IFFO1: variants seen among roughly 807,000 people sequenced by gnomAD.
IFFO1 encodes the protein intermediate filament family orphan 1.
IFFO1 carries 42 observed loss-of-function variants against 59.6 expected under a neutral mutation model. The observed-to-expected ratio is 0.70, with a 90% CI of 0.55 to 0.91. IFFO1 has a LOEUF of 0.91. Among genes scored for constraint, IFFO1 ranks in the 40% least tolerant of loss-of-function variants. The pLI is 0.00. For missense variants in IFFO1, 711 were observed against 793.2 expected, an observed-to-expected ratio of 0.90 and a Z score of 1.24; for synonymous variants, 336 against 342.8, an observed-to-expected ratio of 0.98 and a Z score of 0.22.
chr12:6,555,898 C>A lies in IFFO1; in HGVS notation c.132G>T (p.Ser44=). ...GGGDLPPAPL[S]PAGPAAYSPP... ...GCGAGTAGGCAGCAGGGCCGGCCGGCGAGAGAGGCGCCGGGGGCAAGTCTC... is the reference window on the plus strand; with the variant it reads ...GCGAGTAGGCAGCAGGGCCGGCCGGAGAGAGAGGCGCCGGGGGCAAGTCTC... Residue 44 remains serine (S), a synonymous_variant, in exon 1 of 10, where the codon TCG becomes TCT. Transcript: ENST00000619571. The surrounding 1 kb of genome is among the most constrained non-coding windows in gnomAD (Gnocchi z 8.6). 1 of 1,563,432 alleles carries A rather than the reference C, an allele frequency of 6.4e-7. No individual in the cohort carries two copies.
At chr12:6,546,755 C>T (rs1488725744) in intron 8 of IFFO1, among the ~76,000 whole-genome samples, 1 of 152,192 alleles carries the variant, frequency 6.6e-6, no homozygotes, top group East Asian at 1.9e-4. Flanking sequence ...TCCCAAAGTG[C>T]TGGGATTACA....
chr12:6,547,776 G>A (rs1483579796), intron 8 of IFFO1, among the ~76,000 whole-genome samples: 2 of 150,596 alleles, frequency 1.3e-5, no homozygotes, highest in Non-Finnish European at 3.0e-5. Flanking sequence ...AGGAAGGAAG[G>A]AAAGAAAGGA....
chr12:6,551,149 C>G (rs1947215965), intron 1 of IFFO1, 148 bp from the exon 2 acceptor site: 1 of 791,500 alleles, frequency 1.3e-6, no homozygotes, highest in African/African-American at 1.7e-5. Flanking sequence ...AATGCCTGGC[C>G]AGCCAGCTGG....
In IFFO1 at chr12:6,540,229, C is replaced by T. The variant is rs1946635283; in HGVS notation, c.*254G>A. On this transcript the variant is annotated 3_prime_UTR_variant, in exon 10 of 10. Coordinates refer to ENST00000619571, the MANE Select transcript of IFFO1 (RefSeq NM_001193457.2). ...TTAAAGATGGGGAAGTAGCAGACACCCACGCGTGAAGGCAGGAGAGCCCCA... is the reference window on the plus strand; with the variant it reads ...TTAAAGATGGGGAAGTAGCAGACACTCACGCGTGAAGGCAGGAGAGCCCCA... 3.6e-6 allele frequency: 2 copies of T among 557,118 alleles called. No homozygotes were observed. The highest frequency in any genetic ancestry group is 3.1e-5 in the East Asian group (1 of 32,178). 34.5% of individuals were successfully genotyped at this position (557,118 alleles called of 1,614,324 possible). A position where few individuals can be genotyped will look rare whatever the true frequency, so the allele number is the denominator to read the frequency against.
At chr12:6,551,633 G>C (rs776445141) in intron 1 of IFFO1, 1 of 472,812 alleles carries the variant, frequency 2.1e-6, no homozygotes, top group Non-Finnish European at 4.0e-6. Context: ...GAGGTGACCA[G>C]ACTGGCTCAG....
At chr12:6,551,253 G>T in intron 1 of IFFO1, 1 of 604,522 alleles carries the variant, frequency 1.7e-6, no homozygotes, top group Non-Finnish European at 2.8e-6. Flanking sequence ...TGCACCAGGA[G>T]CTCTGTTTGG....
At chr12:6,552,770 A>G (rs1176206830) in intron 1 of IFFO1, among the ~76,000 whole-genome samples, 2 of 152,198 alleles carry the variant, frequency 1.3e-5, no homozygotes, top group Non-Finnish European at 2.9e-5. Context: ...AAAAAAATCT[A>G]CAAATGAATC....
At chr12:6,539,465 A>C (rs1335366143), downstream of IFFO1, 2 of 152,156 alleles carry the variant, frequency 1.3e-5, no homozygotes, top group Non-Finnish European at 2.9e-5. Context: ...AAAAAAAAAA[A>C]GTACCTACCT....
Position 6,549,671 on chromosome 12 carries a change from C to T in IFFO1, c.1071+85G>A. ...CAGGTAAGGCTCCCCAAGCAGGAGG[C>T]AGGGCCTGCGTTCCAGGCCAGCCGC... On this transcript the variant is annotated intron_variant, in intron 4 of 9. Transcript: ENST00000619571. The surrounding 1 kb of genome is among the most constrained non-coding windows in gnomAD (Gnocchi z 5.0). The T allele has an allele frequency of 6.5e-7, 1 of 1,534,938 alleles. No individual in the cohort carries two copies. The highest frequency in any genetic ancestry group is 1.2e-5 in the South Asian group (1 of 82,816).
chr12:6,554,426 C>T (rs1947353975), intron 1 of IFFO1, among the ~76,000 whole-genome samples: 3 of 152,244 alleles, frequency 2.0e-5, no homozygotes, highest in Non-Finnish European at 2.9e-5. Context: ...ACTTGGTATA[C>T]AGCCAGCACT....
chr12:6,548,475 A>G lies in IFFO1; in HGVS notation c.1333T>C (p.Trp445Arg). The G allele has an allele frequency of 6.2e-7, 1 of 1,614,002 alleles. No homozygotes were observed. The highest frequency in any genetic ancestry group is 8.5e-7 in the Non-Finnish European group (1 of 1,179,928). Reference sequence around the variant, plus strand: ...ATGGCATAGCCTGAGAAATCCTCCCAAAGCAGCAGGGTCTCCTCAGTCTCC... The same window carrying G: ...ATGGCATAGCCTGAGAAATCCTCCCGAAGCAGCAGGGTCTCCTCAGTCTCC... ...WEETEETLLL[W>R]EDFSGYAMAA... Residue 445 changes from tryptophan (W) to arginine (R), a missense_variant, in exon 7 of 10, where the codon TGG becomes CGG. Around this residue, in one of 3 missense-constraint regions of IFFO1, gnomAD observed 579 missense variants for 650.3 expected, o/e 0.89. Coordinates refer to ENST00000619571, the MANE Select transcript of IFFO1 (RefSeq NM_001193457.2). The surrounding 1 kb of genome is among the most constrained non-coding windows in gnomAD (Gnocchi z 6.1).
In IFFO1 at chr12:6,541,616, G is replaced by A; in HGVS notation, c.1506C>T (p.Asp502=). The A allele has an allele frequency of 6.2e-7, 1 of 1,614,144 alleles. No individual in the cohort carries two copies. The highest frequency in any genetic ancestry group is 8.5e-7 in the Non-Finnish European group (1 of 1,180,026). The change falls in exon 9 of 10, where the codon GAC becomes GAT. Residue 502 remains aspartate (D), a synonymous_variant. Transcript: ENST00000619571. This position sits in a 1 kb window ranked among gnomAD's most constrained non-coding sequence, Gnocchi z 4.8. Reference sequence around the variant, plus strand: ...TGTACTCGTGCAGGTGCCGGTTCATGTCGTTCTTGGCCGTGGCCAACTCCA... The same window carrying A: ...TGTACTCGTGCAGGTGCCGGTTCATATCGTTCTTGGCCGTGGCCAACTCCA... ...IELELATAKN[D]MNRHLHEYME...
intron 9 of IFFO1, among the ~76,000 whole-genome samples, 181 bp from the exon 10 acceptor site, chr12:6,540,769 G>C (rs1014956636): frequency 6.6e-5 from 10 of 152,184 alleles, no homozygotes; most frequent in Non-Finnish European, 1.3e-4. Flanking sequence ...CCCTGACAGG[G>C]AAATGGGCCC....
rs1947103329 is a variant in IFFO1, at chr12:6,548,904, CAG to C, written c.1081-57_1081-56del. 1.3e-6 allele frequency: 2 copies of C among 1,485,326 alleles called. No homozygotes were observed. The highest frequency in any genetic ancestry group is 1.4e-5 in the African/African-American group (1 of 71,570). 92.0% of individuals were successfully genotyped at this position (1,485,326 alleles called of 1,614,324 possible). On this transcript the variant is annotated intron_variant, in intron 5 of 9. Coordinates refer to ENST00000619571, the MANE Select transcript of IFFO1 (RefSeq NM_001193457.2). The surrounding 1 kb of genome is among the most constrained non-coding windows in gnomAD (Gnocchi z 6.1). ...GAAAGGGCGGGAGCGGGAGGCCGGG[CAG>C]AGAGGGTGGGAATGGGGGAGAAGCA...
chr12:6,547,018 C>A (rs1387817797), intron 8 of IFFO1, among the ~76,000 whole-genome samples: 4 of 152,188 alleles, frequency 2.6e-5, no homozygotes, highest in Non-Finnish European at 5.9e-5. Flanking sequence ...ATGCTACACT[C>A]GCTATGAGCC....
Position 6,555,178 on chromosome 12 carries a change from C to G in IFFO1, c.773+79G>C. On this transcript the variant is annotated intron_variant, in intron 1 of 9. Coordinates refer to ENST00000619571, the MANE Select transcript of IFFO1 (RefSeq NM_001193457.2). The surrounding 1 kb of genome is among the most constrained non-coding windows in gnomAD (Gnocchi z 8.6). ...ACTCTCATTCTTTTCACCCCTGATT[C>G]TTCGGAACCCACACCAACTCGCGGC... is the stretch of plus-strand genomic sequence containing the variant. The G allele has an allele frequency of 2.8e-6, 4 of 1,426,974 alleles. No homozygotes were observed. Among genetic ancestry groups the G allele is most frequent in the Non-Finnish European group, 4.0e-6 (4 of 1,011,592 alleles). 88.4% of individuals were successfully genotyped at this position (1,426,974 alleles called of 1,614,324 possible). A position where few individuals can be genotyped will look rare whatever the true frequency, so the allele number is the denominator to read the frequency against.
At chr12:6,550,667 C>A (rs1347905367) in intron 3 of IFFO1, 28 bp downstream of exon 3, 3 of 1,591,312 alleles carry the variant, frequency 1.9e-6, no homozygotes, top group South Asian at 2.2e-5. Flanking sequence ...CTCACTTCGA[C>A]CCTCGGGAAG....
At position 6,548,043 on chromosome 12, in the gene IFFO1, T is replaced by TG; in HGVS notation, c.1479+21dup. The TG allele has an allele frequency of 6.3e-7, 1 of 1,590,628 alleles. No individual in the cohort carries two copies. Among genetic ancestry groups the TG allele is most frequent in the South Asian group, 1.1e-5 (1 of 90,566 alleles). ...AAAACCCTCTGGGACACCACGCCCC[T>TG]GGCTTCCGCTCCTGCCCTTACCTCT... is the stretch of plus-strand genomic sequence containing the variant. On this transcript the variant is annotated intron_variant, in intron 8 of 9. Coordinates refer to ENST00000619571, the MANE Select transcript of IFFO1 (RefSeq NM_001193457.2). The surrounding 1 kb of genome is among the most constrained non-coding windows in gnomAD (Gnocchi z 6.1).
chr12:6,539,638 CAGGCTTTTCCAAGAATCAGGGACACTGT>C lies in IFFO1; in HGVS notation c.*817_*844del. ...GTGAACCGCATCTCCCCAGCTTCTCCAGGCTTTTCCAAGAATCAGGGACACTGTAGCCTGTTGGTCTCAGTGTATGACA... is the reference window on the plus strand; with the variant it reads ...GTGAACCGCATCTCCCCAGCTTCTCCAGCCTGTTGGTCTCAGTGTATGACA... On this transcript the variant is annotated 3_prime_UTR_variant, in exon 10 of 10. Coordinates refer to ENST00000619571, the MANE Select transcript of IFFO1 (RefSeq NM_001193457.2). 6.6e-6 allele frequency: 1 copy of C among 152,390 alleles called. No individual in the cohort carries two copies. The highest frequency in any genetic ancestry group is 2.4e-5 in the African/African-American group (1 of 41,576). The allele number at this position is 152,390 out of a possible 1,614,324, so 9.4% of individuals were successfully genotyped here.
Sources: gnomAD v4.1 joint callset for allele counts (sites outside exome capture counted in the v4.1 genomes callset) on GRCh38, gnomAD v4.1.1 for gene constraint, gnomAD v4.1.1 regional missense constraint, Gnocchi (gnomAD v3.1) non-coding constraint, MANE v1.5 for transcripts, NCBI Gene and HGNC (gene_info 2026-07-23, HGNC 2026-07-21) for gene names.